Variants in NRXN2 observed in about 807,000 individuals in gnomAD.
The protein encoded by NRXN2 is neurexin 2.
A neutral mutation model predicts 128.8 loss-of-function variants in NRXN2; 29 were observed. The observed-to-expected ratio is 0.23, with a 90% confidence interval of 0.17 to 0.31. NRXN2 has a LOEUF of 0.31. Ranked by LOEUF, NRXN2 falls within the 10% of genes least tolerant of loss-of-function variation. The pLI is 1.00. For synonymous variants in NRXN2, 1,098 were observed against 1,075.2 expected, an observed-to-expected ratio of 1.02 and a Z score of -0.41; for missense variants, 1,881 against 2,452.6, an observed-to-expected ratio of 0.77 and a Z score of 4.92.
chr11:64,662,027 T>G (rs1353899022), intron 9 of NRXN2, among the ~76,000 whole-genome samples: 1 of 149,710 alleles, frequency 6.7e-6, no homozygotes, highest in Admixed American at 6.7e-5. Flanking sequence ...CCGAGGCGGA[T>G]GGATCACTTG....
rs1445599427 is a variant in NRXN2 at position 64,651,630 on chromosome 11, A to G, written c.2543T>C (p.Met848Thr). The change falls in exon 14 of 23, where the codon ATG becomes ACG. Residue 848 changes from methionine (M) to threonine (T), a missense_variant. Transcript: ENST00000265459. This position sits in a 1 kb window ranked among gnomAD's most constrained non-coding sequence, Gnocchi z 5.9. ...CTCCAGCCGCATATGGGCTCCTGCC[A>G]TCTGTCCTGCTCAGGACAGGAGACC... ...SVDNVTVEGQ[M>T]AGAHMRLEFH... 1.2e-6 allele frequency: 2 copies of G among 1,613,878 alleles called. No homozygotes were observed. The highest frequency in any genetic ancestry group is 1.7e-6 in the Non-Finnish European group (2 of 1,179,958).
At chr11:64,658,092 T>C (rs770438843) in intron 11 of NRXN2, among the ~76,000 whole-genome samples, 1 of 152,220 alleles carries the variant, frequency 6.6e-6, no homozygotes, top group Non-Finnish European at 1.5e-5. Flanking sequence ...CATTGTTTCC[T>C]GTCTAATCTT....
intron 17 of NRXN2, among the ~76,000 whole-genome samples, chr11:64,639,185 G>A (rs546125970): frequency 9.9e-5 from 15 of 152,226 alleles, no homozygotes; most frequent in African/African-American, 3.1e-4. Flanking sequence ...CCTAGTGCTC[G>A]CAGCCCACAC....
intron 22 of NRXN2, among the ~76,000 whole-genome samples, chr11:64,617,611 T>C (rs1383098745): frequency 6.6e-6 from 1 of 152,154 alleles, no homozygotes; most frequent in Non-Finnish European, 1.5e-5. Flanking sequence ...GGGATGAGGA[T>C]CTGCAAGGTG....
intron 17 of NRXN2, chr11:64,642,561 G>A: frequency 3.1e-6 from 5 of 1,610,812 alleles, no homozygotes; most frequent in South Asian, 2.2e-5. Flanking sequence ...GGGTGAGGAA[G>A]GGCATGCGGT....
At position 64,713,070 on chromosome 11, in the gene NRXN2, G is replaced by C; in HGVS notation, c.630C>G (p.Arg210=). 1 of 1,295,592 alleles carries C rather than the reference G, an allele frequency of 7.7e-7. No homozygotes were observed. The highest frequency in any genetic ancestry group is 9.7e-7 in the Non-Finnish European group (1 of 1,031,000). 80.3% of individuals were successfully genotyped at this position (1,295,592 alleles called of 1,614,324 possible). ...ATADPLCAPA[R]NPCANGGLCT... Reference sequence around the variant, plus strand: ...AGAGGCCGCCGTTGGCGCAGGGGTTGCGCGCGGGCGCGCACAGCGGGTCGG... The same window carrying C: ...AGAGGCCGCCGTTGGCGCAGGGGTTCCGCGCGGGCGCGCACAGCGGGTCGG... Residue 210 remains arginine, a synonymous_variant, in exon 2 of 23, where the codon CGC becomes CGG. Coordinates refer to ENST00000265459, the MANE Select transcript of NRXN2 (RefSeq NM_015080.4).
chr11:64,629,732 G>C (rs950554985), intron 19 of NRXN2, among the ~76,000 whole-genome samples: 7 of 152,146 alleles, frequency 4.6e-5, no homozygotes, highest in African/African-American at 1.7e-4. Flanking sequence ...TGATATCTAA[G>C]TAGGTTGTCA....
intron 7 of NRXN2, among the ~76,000 whole-genome samples, chr11:64,672,164 G>C (rs2050720803): frequency 6.6e-6 from 1 of 152,206 alleles, no homozygotes. Context: ...GTACTCCCCA[G>C]GAGCAGAGAG....
rs552586690 is a variant in NRXN2 at position 64,660,572 on chromosome 11, C to T, written c.2186-37G>A. On this transcript the variant is annotated intron_variant, in intron 10 of 22. Coordinates refer to ENST00000265459, the MANE Select transcript of NRXN2 (RefSeq NM_015080.4). The surrounding 1 kb of genome is among the most constrained non-coding windows in gnomAD (Gnocchi z 5.2). ...AGTTGGGGAAGAGGGAAGGAGAAGA[C>T]AGGCAGAGGCCAGGGGAGGGAGAAG... 3 of 1,608,506 alleles carry T rather than the reference C, an allele frequency of 1.9e-6. No individual in the cohort carries two copies. In the African/African-American group the frequency reaches 4.0e-5, roughly 21 times the overall value.
At chr11:64,692,555 A>C (rs1592151090) in intron 4 of NRXN2, among the ~76,000 whole-genome samples, 1 of 152,244 alleles carries the variant, frequency 6.6e-6, no homozygotes, top group African/African-American at 2.4e-5. Context: ...CAACGGCAGG[A>C]GTTCAAACAT....
intron 22 of NRXN2, among the ~76,000 whole-genome samples, chr11:64,619,914 G>A (rs542867386): frequency 6.6e-6 from 1 of 152,254 alleles, no homozygotes; most frequent in African/African-American, 2.4e-5. Flanking sequence ...GGTGGGAGTT[G>A]TGGTTCTGGA....
intron 2 of NRXN2, among the ~76,000 whole-genome samples, chr11:64,706,660 T>A (rs2056363202): frequency 6.6e-6 from 1 of 152,124 alleles, no homozygotes; most frequent in African/African-American, 2.4e-5. Flanking sequence ...ATTCTCCCTA[T>A]ACCCCTTGGT....
intron 6 of NRXN2, among the ~76,000 whole-genome samples, chr11:64,684,684 G>A (rs1285122093): frequency 6.6e-6 from 1 of 152,210 alleles, no homozygotes; most frequent in Non-Finnish European, 1.5e-5. Context: ...GAGGATGACA[G>A]GAGGAGAGAC....
In NRXN2 at chr11:64,661,024, G is replaced by C. The variant is rs1272307004; in HGVS notation, c.1914C>G (p.Asp638Glu). ...LGGLPEGGRV[D>E]LPLPPEVWTA... ...TCCACACCTCTGGGGGCAGGGGCAGGTCCACCCGGCCCCCCTCAGGGAGAC... is the reference window on the plus strand; with the variant it reads ...TCCACACCTCTGGGGGCAGGGGCAGCTCCACCCGGCCCCCCTCAGGGAGAC... Residue 638 changes from aspartate to glutamate, a missense_variant, in exon 10 of 23, where the codon GAC becomes GAG. Transcript: ENST00000265459. 35 of 1,613,520 alleles carry C rather than the reference G, an allele frequency of 2.2e-5. No individual in the cohort carries two copies. The highest frequency in any genetic ancestry group is 3.0e-5 in the Non-Finnish European group (35 of 1,180,000).
At position 64,660,986 on chromosome 11, in the gene NRXN2, C is replaced by T. The variant is rs777581241; in HGVS notation, c.1952G>A (p.Arg651Gln). ...CCGCACACAGCCCACGTAGCCTGCC[C>T]GGAGTGCTGCTGTCCACACCTCTGG... ...LPPEVWTAAL[R>Q]AGYVGCVRDL... The change falls in exon 10 of 23, where the codon CGG becomes CAG. Residue 651 changes from arginine to glutamine, a missense_variant. Transcript: ENST00000265459. The surrounding 1 kb of genome is among the most constrained non-coding windows in gnomAD (Gnocchi z 5.2). The T allele has an allele frequency of 2.5e-6, 4 of 1,613,686 alleles. No individual in the cohort carries two copies. The highest frequency in any genetic ancestry group is 3.4e-6 in the Non-Finnish European group (4 of 1,180,000).
chr11:64,685,572 C>T (rs747543819), intron 6 of NRXN2, 74 bp downstream of exon 6: 177 of 1,593,080 alleles, frequency 1.1e-4, no homozygotes, highest in Non-Finnish European at 1.5e-4. Flanking sequence ...CACAAGCTCC[C>T]GGCAGCCCCC....
intron 1 of NRXN2, among the ~76,000 whole-genome samples, chr11:64,722,239 T>C (rs2057452704): frequency 8.9e-6 from 1 of 111,982 alleles, no homozygotes; most frequent in Non-Finnish European, 1.8e-5. Context: ...CCCCAGCGCA[T>C]TCCCACCCCA....
chr11:64,692,714 A>C, intron 4 of NRXN2, 133 bp downstream of exon 4: 1 of 590,414 alleles, frequency 1.7e-6, no homozygotes, highest in Non-Finnish European at 3.1e-6. Context: ...GGAAGCGGGT[A>C]GGAAAGGAAG....
Position 64,607,656 on chromosome 11 carries a change from A to G in NRXN2, c.4679T>C (p.Leu1560Pro). The change falls in exon 23 of 23, where the codon CTG becomes CCG. Residue 1560 changes from leucine to proline, a missense_variant. Physicochemically the swap from Leu to Pro is moderately conservative, Grantham distance 98. Transcript: ENST00000265459. ...LFAPSAPAPN[L>P]PAGKMNHRDP... ...TCGGTGGTTCATTTTGCCCGCCGGC[A>G]GGTTGGGGGCCGGGGCGGAGGGGGC... The G allele has an allele frequency of 6.5e-7, 1 of 1,527,048 alleles. No individual in the cohort carries two copies. Among genetic ancestry groups the G allele is most frequent in the African/African-American group, 1.4e-5 (1 of 72,030 alleles). The allele number at this position is 1,527,048 out of a possible 1,614,324, so 94.6% of individuals were successfully genotyped here.
Sources: allele counts gnomAD v4.1 joint callset (sites outside exome capture counted in the v4.1 genomes callset), GRCh38; gene constraint gnomAD v4.1.1; non-coding constraint Gnocchi (gnomAD v3.1); transcripts MANE v1.5; gene names NCBI Gene and HGNC (gene_info 2026-07-23, HGNC 2026-07-21).